Variants in GUCA1C observed in about 807,000 individuals in gnomAD.
GUCA1C encodes the protein guanylyl cyclase-activating protein 3.
A neutral mutation model predicts 16.2 loss-of-function variants in GUCA1C; 15 were observed. The observed-to-expected ratio is 0.93, with a 90% CI of 0.62 to 1.43. The LOEUF is 1.43. Ranked by LOEUF, GUCA1C falls within the 40% of genes most tolerant of loss-of-function variation. GUCA1C has a pLI of 0.00. For missense variants in GUCA1C, 275 were observed against 244.8 expected (o/e 1.12, Z -0.82); for synonymous variants, 78 against 85.4 (o/e 0.91, Z 0.48).
intron 1 of GUCA1C, among the ~76,000 whole-genome samples, chr3:108,928,312 G>A (rs1051229663): frequency 6.6e-6 from 1 of 152,120 alleles, no homozygotes; most frequent in South Asian, 2.1e-4. Context: ...TTATTGTTGA[G>A]TTTTAGGAGT....
intron 3 of GUCA1C, among the ~76,000 whole-genome samples, chr3:108,910,548 A>G (rs1946441116): frequency 6.6e-6 from 1 of 151,940 alleles, no homozygotes; most frequent in African/African-American, 2.4e-5. Flanking sequence ...CCTGTGAGAG[A>G]TGATAGAGCA....
chr3:108,941,662 T>C (rs1439635104), intron 1 of GUCA1C, among the ~76,000 whole-genome samples: 1 of 152,198 alleles, frequency 6.6e-6, no homozygotes, highest in Non-Finnish European at 1.5e-5. Context: ...GGGTCAACAA[T>C]GACACTCTAT....
chr3:108,910,495 GAAA>G (rs112235016), intron 3 of GUCA1C, among the ~76,000 whole-genome samples: 1 of 140,154 alleles, frequency 7.1e-6, no homozygotes, highest in African/African-American at 2.6e-5. Flanking sequence ...GAGACTGTCT[GAAA>G]AAAAAAAAAG....
intron 1 of GUCA1C, among the ~76,000 whole-genome samples, chr3:108,948,624 C>T (rs1946867318): frequency 6.6e-6 from 1 of 152,130 alleles, no homozygotes; most frequent in East Asian, 1.9e-4. Context: ...CGATAATTTC[C>T]TCTCAGAATT....
intron 1 of GUCA1C, among the ~76,000 whole-genome samples, chr3:108,943,115 G>A (rs1041894350): frequency 6.6e-6 from 1 of 152,136 alleles, no homozygotes; most frequent in African/African-American, 2.4e-5. Flanking sequence ...TTAGAAGAAT[G>A]CATAATTAGA....
At chr3:108,918,239 C>T (rs1946537232) in intron 2 of GUCA1C, among the ~76,000 whole-genome samples, 1 of 152,114 alleles carries the variant, frequency 6.6e-6, no homozygotes, top group Non-Finnish European at 1.5e-5. Context: ...GTGAAATGTC[C>T]CCTGAATAGA....
chr3:108,953,846 T>G lies in GUCA1C; in HGVS notation c.-84A>C. 1 of 897,648 alleles carries G rather than the reference T, an allele frequency of 1.1e-6. No individual in the cohort carries two copies. Among genetic ancestry groups the G allele is most frequent in the South Asian group, 1.4e-5 (1 of 71,220 alleles). The allele number at this position is 897,648 out of a possible 1,614,324, so 55.6% of individuals were successfully genotyped here. ...TTAGTCCCTTACTCCTCACTAAAAC[T>G]GAAGGCTAACATATGCCCTCAGAAA... On this transcript the variant is annotated 5_prime_UTR_variant, in exon 1 of 4. Transcript: ENST00000261047.
Position 108,931,865 on chromosome 3 carries a change from C to CTTTTTTT in GUCA1C, c.205-11287_205-11281dup, listed in dbSNP as rs59451506. Among the ~76,000 whole-genome samples the CTTTTTTT allele has an allele frequency of 2.5e-4, 28 of 110,140 alleles. 5 individuals carry two copies. Among genetic ancestry groups the CTTTTTTT allele is most frequent in the Non-Finnish European group, 2.5e-4 (14 of 56,592 alleles). The allele number at this position is 110,140 out of a possible 152,430, so 72.3% of individuals were successfully genotyped here. ...AAGGGAACAGTTTTTTTTCTTCCTT[C>CTTTTTTT]TTTTTTTTTTTTTTTTTTTTTGAGA... is the stretch of plus-strand genomic sequence containing the variant. On this transcript the variant is annotated intron_variant, in intron 1 of 3. Transcript: ENST00000261047.
At chr3:108,934,759 C>T (rs529722143) in intron 1 of GUCA1C, among the ~76,000 whole-genome samples, 1 of 150,324 alleles carries the variant, frequency 6.7e-6, no homozygotes, top group African/African-American at 2.4e-5. Context: ...AGGAAATTAA[C>T]ACAGGTACAG....
Position 108,912,122 on chromosome 3 carries a change from A to AATAATAATAATAATAATCATCATC in GUCA1C, c.443-3914_443-3913insGATGATGATTATTATTATTATTAT, listed in dbSNP as rs762101057. Reference sequence around the variant, plus strand: ...CCGTCTCAATAATAATAATAATAATAATCACCCTTTTCATTTCCTGTTTGG... The same window carrying AATAATAATAATAATAATCATCATC: ...CCGTCTCAATAATAATAATAATAATAATAATAATAATAATAATCATCATCATCACCCTTTTCATTTCCTGTTTGG... On this transcript the variant is annotated intron_variant, in intron 3 of 3. Transcript: ENST00000261047. Among the ~76,000 whole-genome samples, 659 of 147,732 alleles carry AATAATAATAATAATAATCATCATC rather than the reference A, an allele frequency of 4.5e-3. 4 individuals carry two copies. The highest frequency in any genetic ancestry group is 5.4e-3 in the Non-Finnish European group (364 of 67,002).
intron 1 of GUCA1C, among the ~76,000 whole-genome samples, chr3:108,935,084 A>G (rs1946711450): frequency 6.6e-6 from 1 of 151,796 alleles, no homozygotes; most frequent in African/African-American, 2.4e-5. Flanking sequence ...AAGTGCTGGG[A>G]TTACAGGCAT....
At position 108,920,565 on chromosome 3, in the gene GUCA1C, C is replaced by CA; in HGVS notation, c.224dup (p.Leu75PhefsTer24). ...TTAGATTTACAGCAGCAATAAACTC[C>CA]AAAAAGTCAACAAATCCATCCTATG... is the stretch of plus-strand genomic sequence containing the variant. On this transcript the variant is annotated frameshift_variant, in exon 2 of 4. Transcript: ENST00000261047. LOFTEE classifies it high-confidence loss of function. 6.6e-7 allele frequency: 1 copy of CA among 1,511,510 alleles called. No homozygotes were observed. The highest frequency in any genetic ancestry group is 9.2e-7 in the Non-Finnish European group (1 of 1,087,556). The allele number at this position is 1,511,510 out of a possible 1,614,324, so 93.6% of individuals were successfully genotyped here.
At chr3:108,939,323 G>GCTTTTTTTTTTT (rs1946761126) in intron 1 of GUCA1C, among the ~76,000 whole-genome samples, 1 of 33,226 alleles carries the variant, frequency 3.0e-5, no homozygotes, top group Non-Finnish European at 7.9e-5. Flanking sequence ...TTGCTTCAAG[G>GCTTTTTTTTTTT]CTTTTTTTTT....
intron 1 of GUCA1C, among the ~76,000 whole-genome samples, chr3:108,940,205 A>G (rs939032496): frequency 1.3e-5 from 2 of 152,242 alleles, no homozygotes; most frequent in African/African-American, 2.4e-5. Flanking sequence ...ATTGCAACTT[A>G]ATGATTTACA....
chr3:108,911,227 G>A (rs916638287), intron 3 of GUCA1C, among the ~76,000 whole-genome samples: 1 of 151,922 alleles, frequency 6.6e-6, no homozygotes, highest in African/African-American at 2.4e-5. Flanking sequence ...TTCCTAAATC[G>A]TGCATTTCTT....
chr3:108,937,062 T>C (rs1334055009), intron 1 of GUCA1C, among the ~76,000 whole-genome samples: 1 of 152,200 alleles, frequency 6.6e-6, no homozygotes, highest in East Asian at 1.9e-4. Flanking sequence ...GCCTACAGTG[T>C]ACCCAGGAAA....
intron 1 of GUCA1C, among the ~76,000 whole-genome samples, chr3:108,927,725 TG>T (rs1576549465): frequency 1.3e-5 from 2 of 152,228 alleles, no homozygotes; most frequent in African/African-American, 4.8e-5. Flanking sequence ...AATTCTATTT[TG>T]CAGTTCAGAG....
At chr3:108,928,642 C>G (rs1248983091) in intron 1 of GUCA1C, among the ~76,000 whole-genome samples, 1 of 152,106 alleles carries the variant, frequency 6.6e-6, no homozygotes, top group Non-Finnish European at 1.5e-5. Context: ...TGTCTAGATG[C>G]TTTTCTTTGC....
intron 1 of GUCA1C, among the ~76,000 whole-genome samples, chr3:108,941,181 ACAGCCC>A (rs1469852752): frequency 1.3e-5 from 2 of 152,192 alleles, no homozygotes; most frequent in East Asian, 3.8e-4. Context: ...TTCAAATCCC[ACAGCCC>A]CGCTACTTCT....
Sources: allele counts gnomAD v4.1 joint callset (sites outside exome capture counted in the v4.1 genomes callset), GRCh38; gene constraint gnomAD v4.1.1; transcripts MANE v1.5; gene names NCBI Gene and HGNC (gene_info 2026-07-23, HGNC 2026-07-21).